The following DACH1 variants were observed in gnomAD, a reference collection of about 807,000 sequenced individuals.
DACH1 encodes dachshund homolog 1.
Under a neutral mutation model 54.2 loss-of-function variants are expected in DACH1, and 12 were observed. That is an observed-to-expected ratio of 0.22 (90% CI 0.14 to 0.36). The LOEUF (loss-of-function observed/expected upper bound fraction) is 0.36. Ranked by LOEUF, DACH1 falls within the 10% of genes least tolerant of loss-of-function variation. The pLI is 1.00. For missense variants in DACH1, 805 were observed against 929.8 expected, an observed-to-expected ratio of 0.87 and a Z score of 1.75; for synonymous variants, 386 against 366.2, an observed-to-expected ratio of 1.05 and a Z score of -0.62.
At chr13:71,651,997 C>A (rs571753129) in intron 2 of DACH1, among the ~76,000 whole-genome samples, 2 of 152,078 alleles carry the variant, frequency 1.3e-5, no homozygotes, top group African/African-American at 2.4e-5. Flanking sequence ...ATTAATGAAC[C>A]CTTCATGAGT....
chr13:71,720,813 T>G (rs1221036025), intron 1 of DACH1, among the ~76,000 whole-genome samples: 1 of 152,182 alleles, frequency 6.6e-6, no homozygotes, highest in Non-Finnish European at 1.5e-5. Context: ...AGTTCTAAGA[T>G]GTCTTTATCA....
intron 1 of DACH1, among the ~76,000 whole-genome samples, chr13:71,779,310 T>C (rs1469271570): frequency 6.9e-6 from 1 of 145,784 alleles, no homozygotes; most frequent in African/African-American, 2.5e-5. Context: ...TATATTTATA[T>C]ACATATATAT....
At chr13:71,706,296 C>A (rs1262014719) in intron 1 of DACH1, among the ~76,000 whole-genome samples, 2 of 151,324 alleles carry the variant, frequency 1.3e-5, no homozygotes, top group East Asian at 3.9e-4. Context: ...TATTATTAGC[C>A]TTTCATCCAT....
rs556098126 is a variant in DACH1, at chr13:71,827,498, T to A, written c.848+38424A>T. On this transcript the variant is annotated intron_variant, in intron 1 of 10. Coordinates refer to ENST00000613252, the MANE Select transcript of DACH1 (RefSeq NM_080759.6). Reference sequence around the variant, plus strand: ...GTTCCAAACTTGAGAAAACATTCATTCAACCAGCAAATGATTCCATAATAG... The same window carrying A: ...GTTCCAAACTTGAGAAAACATTCATACAACCAGCAAATGATTCCATAATAG... Among the ~76,000 whole-genome samples the A allele has an allele frequency of 3.3e-5, 5 of 152,204 alleles. No homozygotes were observed. In the South Asian group the frequency reaches 1.0e-3, roughly 32 times the overall value.
At chr13:71,550,091 G>C (rs964775795) in intron 6 of DACH1, among the ~76,000 whole-genome samples, 6 of 152,020 alleles carry the variant, frequency 3.9e-5, no homozygotes, top group African/African-American at 7.3e-5. Flanking sequence ...TCCTATTGGG[G>C]TCAAATGTAA....
At chr13:71,729,866 T>C (rs1165823913) in intron 1 of DACH1, among the ~76,000 whole-genome samples, 1 of 152,038 alleles carries the variant, frequency 6.6e-6, no homozygotes, top group Non-Finnish European at 1.5e-5. Context: ...AACAGAAATA[T>C]TCACTACCAA....
chr13:71,755,479 G>A (rs1594181529), intron 1 of DACH1, among the ~76,000 whole-genome samples: 2 of 152,272 alleles, frequency 1.3e-5, no homozygotes, highest in African/African-American at 4.8e-5. Flanking sequence ...TGCAGTCAAT[G>A]TCCCAAGGTC....
chr13:71,779,699 C>T (rs927076917), intron 1 of DACH1, among the ~76,000 whole-genome samples: 1 of 151,946 alleles, frequency 6.6e-6, no homozygotes, highest in African/African-American at 2.4e-5. Context: ...GCTACCTCTC[C>T]ACCTCTCCTT....
At chr13:71,655,392 C>CA (rs1325524587) in intron 2 of DACH1, among the ~76,000 whole-genome samples, 1 of 130,356 alleles carries the variant, frequency 7.7e-6, no homozygotes, top group Admixed American at 8.2e-5. Flanking sequence ...TTTTTTGAAA[C>CA]AGAGTTTTAC....
At chr13:71,828,022 TAAAGA>T (rs1225503055) in intron 1 of DACH1, among the ~76,000 whole-genome samples, 1 of 151,986 alleles carries the variant, frequency 6.6e-6, no homozygotes, top group Non-Finnish European at 1.5e-5. Context: ...ATTAACTAAG[TAAAGA>T]AGAGGTCCTG....
intron 10 of DACH1, among the ~76,000 whole-genome samples, chr13:71,449,813 T>A (rs1292428771): frequency 1.3e-5 from 2 of 150,336 alleles, no homozygotes; most frequent in East Asian, 4.0e-4. Flanking sequence ...TTTTTTCAGT[T>A]CTCTTCAAAT....
At chr13:71,849,811 A>AT (rs1019842863) in intron 1 of DACH1, among the ~76,000 whole-genome samples, 4 of 152,208 alleles carry the variant, frequency 2.6e-5, no homozygotes, top group African/African-American at 9.6e-5. Flanking sequence ...ATTTAGCTTC[A>AT]TGAGAAACTC....
At chr13:71,752,188 A>G (rs1305289320) in intron 1 of DACH1, among the ~76,000 whole-genome samples, 2 of 152,192 alleles carry the variant, frequency 1.3e-5, no homozygotes, top group Non-Finnish European at 2.9e-5. Context: ...TAGCTCATAA[A>G]TGCTCTGAAA....
At chr13:71,639,451 C>G (rs1214864987) in intron 2 of DACH1, among the ~76,000 whole-genome samples, 1 of 152,010 alleles carries the variant, frequency 6.6e-6, no homozygotes, top group African/African-American at 2.4e-5. Context: ...GAAACACTCC[C>G]TATACCAGTT....
intron 1 of DACH1, among the ~76,000 whole-genome samples, chr13:71,848,768 T>G (rs1275387686): frequency 6.6e-6 from 1 of 152,080 alleles, no homozygotes; most frequent in African/African-American, 2.4e-5. Context: ...CAAGTGATCC[T>G]CCCACCTTGG....
At chr13:71,640,136 G>A (rs1463692338) in intron 2 of DACH1, among the ~76,000 whole-genome samples, 1 of 151,934 alleles carries the variant, frequency 6.6e-6, no homozygotes, top group East Asian at 1.9e-4. Flanking sequence ...CGGATTCTAT[G>A]AGTAAATATA....
intron 1 of DACH1, among the ~76,000 whole-genome samples, chr13:71,711,266 T>C (rs910684985): frequency 2.0e-5 from 3 of 152,164 alleles, no homozygotes; most frequent in Non-Finnish European, 2.9e-5. Context: ...AGGAGGGATA[T>C]AGATGAGATA....
intron 1 of DACH1, among the ~76,000 whole-genome samples, chr13:71,778,606 T>TA (rs11346555): frequency 6.6e-5 from 10 of 151,834 alleles, no homozygotes; most frequent in Admixed American, 1.3e-4. Flanking sequence ...TAATAGTTTA[T>TA]AAAAAAAATT....
chr13:71,764,754 T>G (rs915519282), intron 1 of DACH1, among the ~76,000 whole-genome samples: 2 of 152,246 alleles, frequency 1.3e-5, no homozygotes, highest in Non-Finnish European at 2.9e-5. Flanking sequence ...TCTGAAGGTA[T>G]GCCAATGTGG....
Sources: gnomAD v4.1 joint callset for allele counts (sites outside exome capture counted in the v4.1 genomes callset) on GRCh38, gnomAD v4.1.1 for gene constraint, MANE v1.5 for transcripts, NCBI Gene and HGNC (gene_info 2026-07-23, HGNC 2026-07-21) for gene names.